The following STRN variants were observed in gnomAD, a reference collection of about 807,000 sequenced individuals.
STRN encodes the protein striatin.
In STRN, 53 loss-of-function variants were observed where a neutral mutation model predicts 96.3. The ratio of observed to expected loss-of-function variants is 0.55; its 90% confidence interval spans 0.44 to 0.69. The LOEUF is 0.69. STRN is among the 30% of genes least tolerant of loss of function. The pLI is 0.00. For missense variants in STRN, 987 were observed against 963.9 expected, an observed-to-expected ratio of 1.02 and a Z score of -0.32; for synonymous variants, 428 against 355.9, an observed-to-expected ratio of 1.20 and a Z score of -2.28.
At chr2:36,955,656 T>G (rs1021626143) in intron 1 of STRN, among the ~76,000 whole-genome samples, 1 of 152,188 alleles carries the variant, frequency 6.6e-6, no homozygotes, top group Non-Finnish European at 1.5e-5. Context: ...CCTCGATTAC[T>G]ACGTCCAGTC....
chr2:36,917,384 A>G lies in STRN; in HGVS notation c.339-1233T>C, dbSNP rs557817625. Among the ~76,000 whole-genome samples the G allele has an allele frequency of 2.7e-4, 41 of 151,896 alleles. No individual in the cohort carries two copies. In the South Asian group the frequency reaches 8.5e-3, roughly 32 times the overall value. On this transcript the variant is annotated intron_variant, in intron 2 of 17. Coordinates refer to ENST00000263918, the MANE Select transcript of STRN (RefSeq NM_003162.4). ...CAAAAAATACAAAAATTAGCTAGGC[A>G]TGGTGGTGTACCTGTAATCCCAGTT...
At chr2:36,948,122 G>T (rs1386675872) in intron 1 of STRN, among the ~76,000 whole-genome samples, 9 of 28,132 alleles carry the variant, frequency 3.2e-4, no homozygotes, top group East Asian at 7.5e-4. Context: ...TTTTTTTTGT[G>T]ACAGAGTCTC....
At chr2:36,910,256 T>A (rs895345921) in intron 3 of STRN, among the ~76,000 whole-genome samples, 2 of 151,400 alleles carry the variant, frequency 1.3e-5, no homozygotes, top group African/African-American at 4.9e-5. Flanking sequence ...ACAAGACACG[T>A]GAGCGGAAGA....
chr2:36,963,509 C>G (rs1665079034), intron 1 of STRN, among the ~76,000 whole-genome samples: 1 of 151,882 alleles, frequency 6.6e-6, no homozygotes, highest in East Asian at 1.9e-4. Flanking sequence ...ATTTTTTTTC[C>G]AATTACACTA....
At chr2:36,965,639 AG>A (rs1228775544) in intron 1 of STRN, among the ~76,000 whole-genome samples, 1 of 151,832 alleles carries the variant, frequency 6.6e-6, no homozygotes, top group Non-Finnish European at 1.5e-5. Flanking sequence ...GAAACGTGGG[AG>A]GGGGCCGGGG....
intron 1 of STRN, among the ~76,000 whole-genome samples, chr2:36,959,241 T>C (rs1372688429): frequency 6.6e-6 from 1 of 152,198 alleles, no homozygotes; most frequent in Non-Finnish European, 1.5e-5. Flanking sequence ...GTAAAATCTT[T>C]ATGCCTGTTA....
intron 2 of STRN, among the ~76,000 whole-genome samples, chr2:36,924,356 A>C (rs1670353094): frequency 2.8e-5 from 1 of 35,548 alleles, no homozygotes; most frequent in South Asian, 1.1e-3. Context: ...ACTCCGTTTC[A>C]AAAAAAAAAA....
chr2:36,851,901 G>T (rs1306891667), intron 15 of STRN, among the ~76,000 whole-genome samples: 1 of 152,188 alleles, frequency 6.6e-6, no homozygotes, highest in Non-Finnish European at 1.5e-5. Flanking sequence ...TCATTTGACA[G>T]AACTAGGTTT....
At chr2:36,944,649 A>G (rs1252212215) in intron 1 of STRN, among the ~76,000 whole-genome samples, 20 of 152,192 alleles carry the variant, frequency 1.3e-4, no homozygotes, top group Admixed American at 1.2e-3. Context: ...TAAATTATAG[A>G]ACAAAAAAAG....
chr2:36,929,436 T>C (rs1447448254), intron 1 of STRN, among the ~76,000 whole-genome samples: 1 of 151,612 alleles, frequency 6.6e-6, no homozygotes, highest in Admixed American at 6.6e-5. Flanking sequence ...CAGGCTGGAG[T>C]GCAGTGGTGC....
intron 1 of STRN, among the ~76,000 whole-genome samples, chr2:36,927,336 C>T (rs186781185): frequency 1.0e-3 from 155 of 151,998 alleles, no homozygotes; most frequent in Non-Finnish European, 1.9e-3. Context: ...AGCGAGACCA[C>T]GTCCCCACAA....
intron 8 of STRN, among the ~76,000 whole-genome samples, chr2:36,886,357 AC>A (rs1669226787): frequency 6.6e-6 from 1 of 152,184 alleles, no homozygotes; most frequent in East Asian, 1.9e-4. Flanking sequence ...AGAGGGTCAC[AC>A]TAAATGAGTT....
At chr2:36,965,180 A>AAC (rs1191562929) in intron 1 of STRN, among the ~76,000 whole-genome samples, 1 of 152,194 alleles carries the variant, frequency 6.6e-6, no homozygotes, top group Admixed American at 6.5e-5. Context: ...TTTTAAACTC[A>AAC]AGTGTTTTGC....
Position 36,899,560 on chromosome 2 carries a change from A to T in STRN, c.758T>A (p.Val253Asp), listed in dbSNP as rs1232517512. ...AATGACGCTTTTCTCTCTTCCATCA[A>T]CATCATCATCTTCATCTTCATCACT... The part of the protein sequence containing the change: ...DFSDEDEDDD[V>D]DGREKSVIDT... The change falls in exon 6 of 18, where the codon GTT (valine) becomes GAT (aspartate). Residue 253 changes from valine to aspartate, a missense_variant. Physicochemically the swap from Val to Asp is radical, Grantham distance 152. Transcript: ENST00000263918. 4.3e-6 allele frequency: 7 copies of T among 1,613,244 alleles called. No individual in the cohort carries two copies. Among genetic ancestry groups the T allele is most frequent in the African/African-American group, 1.3e-5 (1 of 74,850 alleles).
chr2:36,838,489 T>C lies in STRN; in HGVS notation c.*10967A>G, dbSNP rs897990743. On this transcript the variant is annotated 3_prime_UTR_variant, in exon 18 of 18. Transcript: ENST00000263918. Reference sequence around the variant, plus strand: ...TCTACATTTATAGTAGTCAGGAAAATGGAAATTAAAATAACACTGAAAAAT... The same window carrying C: ...TCTACATTTATAGTAGTCAGGAAAACGGAAATTAAAATAACACTGAAAAAT... 2.0e-5 allele frequency among the ~76,000 whole-genome samples: 3 copies of C among 152,162 alleles called. No homozygotes were observed. The highest frequency in any genetic ancestry group is 6.5e-5 in the Admixed American group (1 of 15,274).
chr2:36,950,823 G>C (rs1393095427), intron 1 of STRN, among the ~76,000 whole-genome samples: 4 of 152,136 alleles, frequency 2.6e-5, no homozygotes, highest in Non-Finnish European at 5.9e-5. Flanking sequence ...TACTTGGCTA[G>C]CTATAAGCAT....
chr2:36,909,823 C>T (rs978970117), intron 3 of STRN, among the ~76,000 whole-genome samples: 1 of 152,034 alleles, frequency 6.6e-6, no homozygotes, highest in East Asian at 1.9e-4. Flanking sequence ...CACAGAGGAA[C>T]AAAAATAAGG....
chr2:36,854,423 A>T (rs1668294041), intron 15 of STRN, among the ~76,000 whole-genome samples: 1 of 152,196 alleles, frequency 6.6e-6, no homozygotes, highest in African/African-American at 2.4e-5. Context: ...AGAAGAAAAC[A>T]ATGAACAACA....
intron 7 of STRN, among the ~76,000 whole-genome samples, chr2:36,893,295 A>C (rs1257438162): frequency 6.7e-6 from 1 of 149,402 alleles, no homozygotes; most frequent in Non-Finnish European, 1.5e-5. Context: ...TTTCAATAGC[A>C]AAAAAAACCC....
Sources: gnomAD v4.1 joint callset for allele counts (sites outside exome capture counted in the v4.1 genomes callset) on GRCh38, gnomAD v4.1.1 for gene constraint, MANE v1.5 for transcripts, NCBI Gene and HGNC (gene_info 2026-07-23, HGNC 2026-07-21) for gene names.